The following POLR3G variants were observed in gnomAD, a reference collection of about 807,000 sequenced individuals.
POLR3G encodes the protein RNA polymerase III subunit G.
A neutral mutation model predicts 30.1 loss-of-function variants in POLR3G; 28 were observed. The observed-to-expected ratio is 0.93, with a 90% CI of 0.69 to 1.27. POLR3G has a LOEUF of 1.27. Ranked by LOEUF, POLR3G falls within the 50% of genes most tolerant of loss-of-function variation. The pLI is 0.00. For missense variants in POLR3G, 254 were observed against 264.6 expected, an observed-to-expected ratio of 0.96 and a Z score of 0.28; for synonymous variants, 79 against 82.5, an observed-to-expected ratio of 0.96 and a Z score of 0.23.
intron 1 of POLR3G, among the ~76,000 whole-genome samples, chr5:90,484,003 T>A (rs183696950): frequency 1.4e-3 from 220 of 152,294 alleles, no homozygotes; most frequent in African/African-American, 4.9e-3. Context: ...CAACTACTCC[T>A]TAGTAGCTAA....
chr5:90,504,151 G>T (rs1752377012), intron 6 of POLR3G, among the ~76,000 whole-genome samples: 2 of 151,146 alleles, frequency 1.3e-5, no homozygotes, highest in Admixed American at 1.3e-4. Context: ...GTCTGATTTA[G>T]ATCTGTGTGG....
At chr5:90,477,833 G>C (rs1043707543) in intron 1 of POLR3G, among the ~76,000 whole-genome samples, 4 of 152,214 alleles carry the variant, frequency 2.6e-5, no homozygotes, top group African/African-American at 9.6e-5. Context: ...AGTGGGTGGA[G>C]CATATGGGCT....
chr5:90,508,390 C>T (rs894785367), intron 7 of POLR3G, among the ~76,000 whole-genome samples: 6 of 151,882 alleles, frequency 4.0e-5, no homozygotes, highest in Non-Finnish European at 8.8e-5. Flanking sequence ...ACGGCCCTAT[C>T]CTTTTTTGGA....
At chr5:90,493,855 G>A (rs1212481972) in intron 3 of POLR3G, among the ~76,000 whole-genome samples, 1 of 151,160 alleles carries the variant, frequency 6.6e-6, no homozygotes, top group African/African-American at 2.4e-5. Flanking sequence ...TTACAGGCAC[G>A]TGCCACCACA....
chr5:90,481,032 T>G (rs1751099789), intron 1 of POLR3G, among the ~76,000 whole-genome samples: 1 of 152,134 alleles, frequency 6.6e-6, no homozygotes, highest in South Asian at 2.1e-4. Context: ...TATTTCAAGG[T>G]AACTAAATAA....
intron 5 of POLR3G, among the ~76,000 whole-genome samples, chr5:90,500,646 T>C (rs1357975433): frequency 6.6e-6 from 1 of 152,146 alleles, no homozygotes; most frequent in East Asian, 1.9e-4. Flanking sequence ...ACTATTACTT[T>C]TGTTTGAGAA....
At chr5:90,507,898 C>A (rs1351725735) in intron 7 of POLR3G, among the ~76,000 whole-genome samples, 1 of 151,960 alleles carries the variant, frequency 6.6e-6, no homozygotes, top group Non-Finnish European at 1.5e-5. Context: ...TTTATTGGTT[C>A]TCTGTTTTAA....
chr5:90,483,076 G>A (rs1397977200), intron 1 of POLR3G, among the ~76,000 whole-genome samples: 3 of 146,218 alleles, frequency 2.1e-5, no homozygotes, highest in East Asian at 2.0e-4. Context: ...GGAGGCGGAG[G>A]TTGCAGTCAG....
At chr5:90,499,423 C>T (rs551044091) in intron 5 of POLR3G, among the ~76,000 whole-genome samples, 45 of 152,218 alleles carry the variant, frequency 3.0e-4, no homozygotes, top group Admixed American at 5.2e-4. Context: ...TCAGATAGGA[C>T]GAAGACTGGA....
At chr5:90,509,070 T>G (rs1359416976) in intron 7 of POLR3G, among the ~76,000 whole-genome samples, 2 of 152,218 alleles carry the variant, frequency 1.3e-5, no homozygotes, top group East Asian at 3.9e-4. Flanking sequence ...TTCCTTTATT[T>G]AAATTCAACA....
At chr5:90,495,215 A>G (rs999209564) in intron 3 of POLR3G, among the ~76,000 whole-genome samples, 7 of 152,166 alleles carry the variant, frequency 4.6e-5, no homozygotes, top group African/African-American at 1.7e-4. Context: ...CATCTTTAGT[A>G]TTACCTTCCC....
At chr5:90,494,685 C>T (rs544757792) in intron 3 of POLR3G, among the ~76,000 whole-genome samples, 171 of 151,930 alleles carry the variant, frequency 1.1e-3, no homozygotes, top group Non-Finnish European at 1.7e-3. Flanking sequence ...TTTGTATCTT[C>T]TTTAGAGAAT....
chr5:90,487,070 G>T (rs1373591622), intron 2 of POLR3G, among the ~76,000 whole-genome samples: 1 of 152,124 alleles, frequency 6.6e-6, no homozygotes, highest in African/African-American at 2.4e-5. Context: ...ACGCGTATTT[G>T]TGTATATGTA....
chr5:90,501,495 A>G (rs990398233), intron 5 of POLR3G, among the ~76,000 whole-genome samples: 2 of 152,212 alleles, frequency 1.3e-5, no homozygotes, highest in Non-Finnish European at 2.9e-5. Context: ...ACCTGCTAAG[A>G]TTCCTCTGGT....
chr5:90,504,397 A>G (rs1752391873), intron 6 of POLR3G, among the ~76,000 whole-genome samples: 1 of 151,968 alleles, frequency 6.6e-6, no homozygotes, highest in South Asian at 2.1e-4. Flanking sequence ...CATCTCTACT[A>G]AAAATTCAAA....
At chr5:90,476,046 G>T (rs542052576) in intron 1 of POLR3G, among the ~76,000 whole-genome samples, 2 of 152,274 alleles carry the variant, frequency 1.3e-5, no homozygotes, top group Non-Finnish European at 2.9e-5. Context: ...ATTCCCTTGA[G>T]AACTTAACTA....
At chr5:90,485,765 G>A in intron 2 of POLR3G, 81 bp downstream of exon 2, 1 of 970,392 alleles carries the variant, frequency 1.0e-6, no homozygotes. Flanking sequence ...GGGACTGGAT[G>A]TATGATTATA....
At chr5:90,479,148 G>T (rs1455411174) in intron 1 of POLR3G, among the ~76,000 whole-genome samples, 1 of 152,192 alleles carries the variant, frequency 6.6e-6, no homozygotes, top group Non-Finnish European at 1.5e-5. Flanking sequence ...ATGGTAGACA[G>T]TAGGGAGGAT....
intron 3 of POLR3G, among the ~76,000 whole-genome samples, chr5:90,488,624 C>A (rs955880997): frequency 1.3e-4 from 19 of 151,986 alleles, no homozygotes; most frequent in African/African-American, 3.9e-4. Context: ...TAACTAATTT[C>A]CTGCTTTTTA....
Sources: gnomAD v4.1 joint callset for allele counts (sites outside exome capture counted in the v4.1 genomes callset) on GRCh38, gnomAD v4.1.1 for gene constraint, MANE v1.5 for transcripts, NCBI Gene and HGNC (gene_info 2026-07-23, HGNC 2026-07-21) for gene names.